HSPA4L: variants seen among roughly 807,000 people sequenced by gnomAD.
HSPA4L encodes the protein heat shock 70 kDa protein 4L.
In HSPA4L, 48 loss-of-function variants were observed where a neutral mutation model predicts 100.3. The ratio of observed to expected loss-of-function variants is 0.48; its 90% CI spans 0.38 to 0.61. HSPA4L has a LOEUF of 0.61. HSPA4L is among the 20% of genes least tolerant of loss of function. The probability of loss-of-function intolerance (pLI) is 0.00; values close to 1 mark genes in which losing one functional copy is unlikely to be tolerated. For missense variants in HSPA4L, 886 were observed against 988.6 expected (o/e 0.90, Z 1.39); for synonymous variants, 319 against 328.2 (o/e 0.97, Z 0.30).
rs183915961 is a variant in HSPA4L, at chr4:127,808,194, C to T, written c.1378+65C>T. ...TATAAATAATGTGTTATTTTAGAAT[C>T]AAGGAAACAAATAGACATTTCAGCT... is the stretch of plus-strand genomic sequence containing the variant. On this transcript the variant is annotated intron_variant, in intron 11 of 18. Transcript: ENST00000296464. 8 of 1,321,188 alleles carry T rather than the reference C, an allele frequency of 6.1e-6. No individual in the cohort carries two copies. In the East Asian group the frequency reaches 1.9e-4, roughly 31 times the overall value. The allele number at this position is 1,321,188 out of a possible 1,614,324, so 81.8% of individuals were successfully genotyped here.
chr4:127,835,679 G>A lies in HSPA4L; in HGVS notation c.*2805G>A, dbSNP rs1222448660. The A allele has an allele frequency of 6.6e-6, 1 of 152,022 alleles. No homozygotes were observed. The highest frequency in any genetic ancestry group is 1.5e-5 in the Non-Finnish European group (1 of 68,040). 9.4% of individuals were successfully genotyped at this position (152,022 alleles called of 1,614,324 possible). ...GATCGTGCTCCTGCACTCCAGCCTGGGCAACAGAACAAGACTCCGTCTCAA... is the reference window on the plus strand; with the variant it reads ...GATCGTGCTCCTGCACTCCAGCCTGAGCAACAGAACAAGACTCCGTCTCAA... On this transcript the variant is annotated 3_prime_UTR_variant, in exon 19 of 19. Transcript: ENST00000296464.
rs1734220543 is a variant in HSPA4L at position 127,836,706 on chromosome 4, G to A, written c.*3832G>A. On this transcript the variant is annotated 3_prime_UTR_variant, in exon 19 of 19. Transcript: ENST00000296464. The stretch of plus-strand genomic sequence containing the variant: ...TAAAGGTAGTAGACATTTGAATATA[G>A]TAATCAAATTAACTGATTTTGTTTT... 1 of 151,980 alleles carries A rather than the reference G, an allele frequency of 6.6e-6. No individual in the cohort carries two copies. The highest frequency in any genetic ancestry group is 1.5e-5 in the Non-Finnish European group (1 of 68,004). 9.4% of individuals were successfully genotyped at this position (151,980 alleles called of 1,614,324 possible).
At chr4:127,808,591 AG>A (rs1161398404) in intron 11 of HSPA4L, among the ~76,000 whole-genome samples, 2 of 152,160 alleles carry the variant, frequency 1.3e-5, no homozygotes, top group Non-Finnish European at 2.9e-5. Flanking sequence ...GGATTGCTTG[AG>A]CCCAGGAGTT....
chr4:127,825,139 C>CA (rs879803466), intron 16 of HSPA4L, among the ~76,000 whole-genome samples: 1,695 of 115,984 alleles, frequency 0.015, 16 homozygotes, highest in African/African-American at 0.028. Context: ...GACTCCATCT[C>CA]AAAAAAAAAA....
intron 14 of HSPA4L, among the ~76,000 whole-genome samples, chr4:127,821,055 C>T (rs1462817762): frequency 2.0e-5 from 3 of 151,986 alleles, no homozygotes; most frequent in African/African-American, 7.2e-5. Flanking sequence ...TGTTTCTTTA[C>T]CAGTATCTGT....
chr4:127,795,010 T>C (rs1231043042), intron 2 of HSPA4L, among the ~76,000 whole-genome samples: 1 of 152,166 alleles, frequency 6.6e-6, no homozygotes, highest in Non-Finnish European at 1.5e-5. Flanking sequence ...TACTTTCATT[T>C]AGCACTATGC....
chr4:127,838,348 C>T lies in HSPA4L; in HGVS notation c.*5474C>T, dbSNP rs1734258589. ...TTCATCTTCCTTATCCCTAAAGATA[C>T]TTCCAACATATTGTTAGAGTAAGTA... On this transcript the variant is annotated 3_prime_UTR_variant, in exon 19 of 19. Coordinates refer to ENST00000296464, the MANE Select transcript of HSPA4L (RefSeq NM_014278.4). 1 of 152,156 alleles carries T rather than the reference C, an allele frequency of 6.6e-6. No homozygotes were observed. The highest frequency in any genetic ancestry group is 6.5e-5 in the Admixed American group (1 of 15,278). The allele number at this position is 152,156 out of a possible 1,614,324, so 9.4% of individuals were successfully genotyped here.
chr4:127,802,584 C>A (rs1281084543), intron 6 of HSPA4L, among the ~76,000 whole-genome samples: 1 of 152,130 alleles, frequency 6.6e-6, no homozygotes, highest in African/African-American at 2.4e-5. Context: ...GGCCTTTAGT[C>A]TTACATATTA....
At position 127,811,733 on chromosome 4, in the gene HSPA4L, CTG is replaced by C. The variant is rs1033040204; in HGVS notation, c.1578+98_1578+99del. 1.2e-5 allele frequency: 11 copies of C among 891,766 alleles called. No homozygotes were observed. In the African/African-American group the frequency reaches 1.9e-4, roughly 15 times the overall value. The allele number at this position is 891,766 out of a possible 1,614,324, so 55.2% of individuals were successfully genotyped here. A position where few individuals can be genotyped will look rare whatever the true frequency, so the allele number is the denominator to read the frequency against. Reference sequence around the variant, plus strand: ...CTTTAATAGTTGAATACATTACTCTCTGAGGTTTTGCTTTGATTTTCTGCTGT... The same window carrying C: ...CTTTAATAGTTGAATACATTACTCTCAGGTTTTGCTTTGATTTTCTGCTGT... On this transcript the variant is annotated intron_variant, in intron 12 of 18. Coordinates refer to ENST00000296464, the MANE Select transcript of HSPA4L (RefSeq NM_014278.4).
intron 15 of HSPA4L, among the ~76,000 whole-genome samples, 174 bp from the exon 16 acceptor site, chr4:127,823,343 T>A (rs959335979): frequency 1.3e-5 from 2 of 152,086 alleles, no homozygotes; most frequent in Admixed American, 6.6e-5. Context: ...GAAATATGAT[T>A]TTGCCATATT....
At chr4:127,830,583 CT>C in intron 17 of HSPA4L, 54 bp from the exon 18 acceptor site, 1 of 1,374,506 alleles carries the variant, frequency 7.3e-7, no homozygotes, top group Non-Finnish European at 9.8e-7. Flanking sequence ...TACTAATAAA[CT>C]GGTGCTAGCT....
intron 16 of HSPA4L, among the ~76,000 whole-genome samples, chr4:127,826,244 C>CA (rs1018124769): frequency 6.6e-6 from 1 of 151,900 alleles, no homozygotes; most frequent in Non-Finnish European, 1.5e-5. Flanking sequence ...CCCATCTCTA[C>CA]AAAAAAATAA....
chr4:127,784,926 CAT>C (rs1449254037), intron 1 of HSPA4L, among the ~76,000 whole-genome samples: 2 of 152,180 alleles, frequency 1.3e-5, no homozygotes, highest in African/African-American at 4.8e-5. Flanking sequence ...GGTAATGTGA[CAT>C]ATTTTCTAAG....
At chr4:127,815,169 C>CTATTT (rs1733641753) in intron 12 of HSPA4L, among the ~76,000 whole-genome samples, 1 of 151,546 alleles carries the variant, frequency 6.6e-6, no homozygotes. Context: ...TTATGAAAGA[C>CTATTT]TATTTTGTAT....
intron 10 of HSPA4L, among the ~76,000 whole-genome samples, chr4:127,806,441 T>A (rs2148787779): frequency 6.6e-6 from 1 of 152,176 alleles, no homozygotes; most frequent in South Asian, 2.1e-4. Context: ...ATGCACATTA[T>A]TTTGAGTAAT....
In HSPA4L at chr4:127,830,218, CTCT is replaced by C. The variant is rs147092506; in HGVS notation, c.2167-414_2167-412del. On this transcript the variant is annotated intron_variant, in intron 17 of 18. Coordinates refer to ENST00000296464, the MANE Select transcript of HSPA4L (RefSeq NM_014278.4). Reference sequence around the variant, plus strand: ...GTATTACATGTGACAGCTGCAGTTTCTCTTCTTCAGAAAGAATTTTGTCATTTT... The same window carrying C: ...GTATTACATGTGACAGCTGCAGTTTCTCTTCAGAAAGAATTTTGTCATTTT... Among the ~76,000 whole-genome samples the C allele has an allele frequency of 9.9e-3, 1,511 of 152,234 alleles. 24 individuals carry two copies. The highest frequency in any genetic ancestry group is 0.033 in the African/African-American group (1,379 of 41,536).
At position 127,833,098 on chromosome 4, in the gene HSPA4L, T is replaced by A. The variant is rs1734128336; in HGVS notation, c.*224T>A. 10 of 369,236 alleles carry A rather than the reference T, an allele frequency of 2.7e-5. No homozygotes were observed. The East Asian group carries it at 4.1e-4, about 15-fold the overall frequency. 22.9% of individuals were successfully genotyped at this position (369,236 alleles called of 1,614,324 possible). On this transcript the variant is annotated 3_prime_UTR_variant, in exon 19 of 19. Transcript: ENST00000296464. Reference sequence around the variant, plus strand: ...ATTAGATTTACAAGACAATCTAAGCTTTCCGGATAATTTTATATATCAAAC... The same window carrying A: ...ATTAGATTTACAAGACAATCTAAGCATTCCGGATAATTTTATATATCAAAC...
intron 5 of HSPA4L, 56 bp from the exon 6 acceptor site, chr4:127,801,729 T>C (rs1376400786): frequency 7.0e-7 from 1 of 1,436,478 alleles, no homozygotes; most frequent in Non-Finnish European, 9.5e-7. Context: ...GTGACATTTC[T>C]TGTTTTCCAA....
Position 127,787,010 on chromosome 4 carries a change from CTG to C in HSPA4L, c.107+4357_107+4358del, listed in dbSNP as rs375206654. ...GAATATGGATTTTCTTTAAATGAAA[CTG>C]TGTCAAGATTTTTGTTAGGAATATT... is the stretch of plus-strand genomic sequence containing the variant. On this transcript the variant is annotated intron_variant, in intron 1 of 18. Coordinates refer to ENST00000296464, the MANE Select transcript of HSPA4L (RefSeq NM_014278.4). Among the ~76,000 whole-genome samples, 393 of 152,230 alleles carry C rather than the reference CTG, an allele frequency of 2.6e-3. 2 individuals carry two copies. The highest frequency in any genetic ancestry group is 0.013 in the South Asian group (63 of 4,822).
Sources: allele counts gnomAD v4.1 joint callset (sites outside exome capture counted in the v4.1 genomes callset), GRCh38; gene constraint gnomAD v4.1.1; transcripts MANE v1.5; gene names NCBI Gene and HGNC (gene_info 2026-07-23, HGNC 2026-07-21).